Variants in DZIP1 observed in about 807,000 individuals in gnomAD.
DZIP1 encodes the protein cilium assembly protein DZIP1.
DZIP1 carries 97 observed loss-of-function variants against 107.6 expected under a neutral mutation model. That is an observed-to-expected ratio of 0.90 (90% CI 0.77 to 1.07). The LOEUF (loss-of-function observed/expected upper bound fraction) is 1.07, where lower values mean the gene tolerates loss of function less well. Among genes scored for constraint, DZIP1 ranks in the 50% least tolerant of loss-of-function variants. The probability of loss-of-function intolerance (pLI) is 0.00; values close to 1 mark genes in which losing one functional copy is unlikely to be tolerated. For missense variants in DZIP1, 1,035 were observed against 1,063.6 expected, an observed-to-expected ratio of 0.97 and a Z score of 0.37; for synonymous variants, 390 against 386.4, an observed-to-expected ratio of 1.01 and a Z score of -0.11.
At chr13:95,620,976 G>A (rs765518102) in intron 9 of DZIP1, among the ~76,000 whole-genome samples, 2 of 152,220 alleles carry the variant, frequency 1.3e-5, no homozygotes, top group African/African-American at 2.4e-5. Flanking sequence ...GCCACTGGCA[G>A]GCTAAAAGAA....
chr13:95,597,473 A>T (rs1024606714), intron 15 of DZIP1, among the ~76,000 whole-genome samples: 11 of 152,220 alleles, frequency 7.2e-5, no homozygotes, highest in African/African-American at 2.2e-4. Flanking sequence ...ATAGGGTAAG[A>T]TTTGTTCTTC....
intron 15 of DZIP1, among the ~76,000 whole-genome samples, chr13:95,595,691 T>C (rs144007224): frequency 6.6e-5 from 10 of 151,790 alleles, no homozygotes; most frequent in African/African-American, 1.9e-4. Context: ...AGCCTGGAAG[T>C]CTTGGTGCTA....
intron 9 of DZIP1, among the ~76,000 whole-genome samples, chr13:95,621,142 C>G (rs7324901): frequency 0.36 from 53,413 of 149,784 alleles, 10,989 homozygotes; most frequent in South Asian, 0.48. Context: ...TACCTGCCCC[C>G]CTGGCTGAAT....
intron 5 of DZIP1, among the ~76,000 whole-genome samples, chr13:95,637,687 G>A (rs1396894931): frequency 6.6e-6 from 1 of 151,390 alleles, no homozygotes; most frequent in Non-Finnish European, 1.5e-5. Context: ...ATAGCAAGAA[G>A]GTGGCTGTTT....
chr13:95,624,073 C>G (rs753167136), intron 8 of DZIP1, among the ~76,000 whole-genome samples: 1 of 152,200 alleles, frequency 6.6e-6, no homozygotes. Context: ...TAGGAAAGCC[C>G]TCAGGTGAAT....
At chr13:95,621,565 C>T (rs912415079) in intron 9 of DZIP1, among the ~76,000 whole-genome samples, 1 of 151,968 alleles carries the variant, frequency 6.6e-6, no homozygotes, top group Admixed American at 6.6e-5. Context: ...TCTCTATTTG[C>T]TTCCTAGTTT....
rs1260056629 is a variant in DZIP1, at chr13:95,578,234, C to T, written c.*4000G>A. 5.8e-6 allele frequency: 2 copies of T among 345,840 alleles called. No homozygotes were observed. The highest frequency in any genetic ancestry group is 1.0e-5 in the Non-Finnish European group (2 of 191,384). 21.4% of individuals were successfully genotyped at this position (345,840 alleles called of 1,614,324 possible). A position where few individuals can be genotyped will look rare whatever the true frequency, so the allele number is the denominator to read the frequency against. On this transcript the variant is annotated 3_prime_UTR_variant, in exon 23 of 23. Transcript: ENST00000376829. ...CTATAAAAAATAAACAGTTTATTTA[C>T]AGGATTTGTAAAATGTTTTCTACAT...
chr13:95,618,536 A>G (rs1461064736), intron 10 of DZIP1, among the ~76,000 whole-genome samples: 1 of 152,214 alleles, frequency 6.6e-6, no homozygotes, highest in Non-Finnish European at 1.5e-5. Flanking sequence ...TAACTTTCCC[A>G]TCGAAGTTCC....
At chr13:95,619,829 A>C in intron 10 of DZIP1, 56 bp downstream of exon 10, 2 of 1,539,112 alleles carry the variant, frequency 1.3e-6, no homozygotes, top group Non-Finnish European at 1.8e-6. Context: ...TAAAAAGGAA[A>C]GCAAATATTT....
In DZIP1 at chr13:95,587,645, C is replaced by T. The variant is rs111764824; in HGVS notation, c.2112G>A (p.Pro704=). ...AYASPGPLPV[P]PPQNKGSFGK... Reference sequence around the variant, plus strand: ...CGAAGCTGCCCTTGTTTTGTGGTGGCGGCACAGGAAGTGGGCCTGGGGATG... The same window carrying T: ...CGAAGCTGCCCTTGTTTTGTGGTGGTGGCACAGGAAGTGGGCCTGGGGATG... Residue 704 remains proline (P), a synonymous_variant, in exon 20 of 23, where the codon CCG becomes CCA. Transcript: ENST00000376829. 9 of 1,614,064 alleles carry T rather than the reference C, an allele frequency of 5.6e-6. No individual in the cohort carries two copies. The highest frequency in any genetic ancestry group is 4.4e-5 in the South Asian group (4 of 91,070).
In DZIP1 at chr13:95,624,906, T is replaced by G; in HGVS notation, c.834A>C (p.Lys278Asn). ...CAAATAACTTCAAAAAGTCTTCCTCTTTTGTTTTCTGCATTTCATATTCCT... is the reference window on the plus strand; with the variant it reads ...CAAATAACTTCAAAAAGTCTTCCTCGTTTGTTTTCTGCATTTCATATTCCT... ...FSKEYEMQKT[K>N]EEDFLKLFDR... The change falls in exon 8 of 23, where the codon AAA becomes AAC. Residue 278 changes from lysine to asparagine, a missense_variant. Transcript: ENST00000376829. The G allele has an allele frequency of 6.2e-7, 1 of 1,606,406 alleles. No individual in the cohort carries two copies. The highest frequency in any genetic ancestry group is 8.5e-7 in the Non-Finnish European group (1 of 1,178,008).
chr13:95,606,956 T>C (rs540675724), intron 13 of DZIP1, among the ~76,000 whole-genome samples: 1 of 152,370 alleles, frequency 6.6e-6, no homozygotes, highest in African/African-American at 2.4e-5. Context: ...GTATGGTCTA[T>C]TAGTTTACCG....
intron 14 of DZIP1, among the ~76,000 whole-genome samples, chr13:95,599,737 G>T (rs2138952679): frequency 6.6e-6 from 1 of 152,296 alleles, no homozygotes; most frequent in African/African-American, 2.4e-5. Flanking sequence ...AACTGCAAAA[G>T]ATCTTCATTA....
chr13:95,639,939 A>C (rs1286284116), intron 5 of DZIP1, among the ~76,000 whole-genome samples: 1 of 151,994 alleles, frequency 6.6e-6, no homozygotes, highest in Non-Finnish European at 1.5e-5. Flanking sequence ...CCCAAGACCA[A>C]ACACTAAGTC....
chr13:95,590,217 A>C (rs1317380802), intron 17 of DZIP1, 62 bp downstream of exon 17: 2 of 1,433,630 alleles, frequency 1.4e-6, no homozygotes, highest in Non-Finnish European at 1.9e-6. Flanking sequence ...GTGGTGAAAA[A>C]AGAAGAAAAA....
chr13:95,583,106 G>A (rs1386067475), intron 22 of DZIP1, among the ~76,000 whole-genome samples: 23 of 152,012 alleles, frequency 1.5e-4, no homozygotes, highest in Admixed American at 1.5e-3. Context: ...AATGGAAAGA[G>A]CAAGGGTGGA....
chr13:95,598,477 T>C (rs2044521863), intron 15 of DZIP1, among the ~76,000 whole-genome samples: 1 of 152,054 alleles, frequency 6.6e-6, no homozygotes, highest in African/African-American at 2.4e-5. Context: ...TGTAGCCTTA[T>C]AAAAATAAAA....
At chr13:95,590,640 T>C (rs2138827905) in intron 16 of DZIP1, among the ~76,000 whole-genome samples, 199 bp from the exon 17 acceptor site, 1 of 152,334 alleles carries the variant, frequency 6.6e-6, no homozygotes, top group South Asian at 2.1e-4. Flanking sequence ...GGCATGCATA[T>C]GTTTATGACT....
At position 95,630,048 on chromosome 13, in the gene DZIP1, G is replaced by A. The variant is rs533465385; in HGVS notation, c.751C>T (p.Gln251Ter). Residue 251 changes from glutamine to a stop codon, truncating the protein, a stop_gained, in exon 7 of 23, where the codon CAG (glutamine) becomes TAG (stop). Transcript: ENST00000376829. LOFTEE classifies it high-confidence loss of function. Reference sequence around the variant, plus strand: ...GCCTCTAGCTCAGACCTGGTGAGCTGCAGCTCTTCCTTCAATACGACGATC... The same window carrying A: ...GCCTCTAGCTCAGACCTGGTGAGCTACAGCTCTTCCTTCAATACGACGATC... Reference protein sequence around the residue: ...SEIVVLKEELQLTRSELEAAH... With the variant: ...SEIVVLKEEL 2.1e-5 allele frequency: 34 copies of A among 1,613,746 alleles called. No homozygotes were observed. Among genetic ancestry groups the A allele is most frequent in the Non-Finnish European group, 2.6e-5 (31 of 1,179,824 alleles).
Sources: allele counts gnomAD v4.1 joint callset (sites outside exome capture counted in the v4.1 genomes callset), GRCh38; gene constraint gnomAD v4.1.1; transcripts MANE v1.5; gene names NCBI Gene and HGNC (gene_info 2026-07-23, HGNC 2026-07-21).